SGMS2: variants seen among roughly 807,000 people sequenced by gnomAD.
SGMS2 encodes the protein sphingomyelin synthase 2.
In SGMS2, 21 loss-of-function variants were observed where a neutral mutation model predicts 43.8. That is an observed-to-expected ratio of 0.48 (90% CI 0.34 to 0.69). SGMS2 has a LOEUF of 0.69. Ranked by LOEUF, SGMS2 falls within the 30% of genes least tolerant of loss-of-function variation. The pLI, the probability that SGMS2 is intolerant of heterozygous loss-of-function variation, is 0.01. For synonymous variants in SGMS2, 167 were observed against 160.6 expected (o/e 1.04, Z -0.30); for missense variants, 384 against 443.2 (o/e 0.87, Z 1.20).
At chr4:107,894,855 A>AAG (rs3079264) in intron 2 of SGMS2, among the ~76,000 whole-genome samples, 142,032 of 152,196 alleles carry the variant, frequency 0.93, 66,586 homozygotes, top group Middle Eastern at 0.98. Flanking sequence ...TTGACAAATG[A>AAG]AGAGTAACAA....
At chr4:107,856,569 G>A (rs746784009) in intron 1 of SGMS2, among the ~76,000 whole-genome samples, 1 of 152,170 alleles carries the variant, frequency 6.6e-6, no homozygotes, top group Non-Finnish European at 1.5e-5. Flanking sequence ...TTTTATTTGC[G>A]TGGAGTGAGT....
At chr4:107,870,865 T>A (rs1311555623) in intron 2 of SGMS2, among the ~76,000 whole-genome samples, 1 of 152,176 alleles carries the variant, frequency 6.6e-6, no homozygotes, top group Non-Finnish European at 1.5e-5. Flanking sequence ...TTTAAAGTGA[T>A]TATTTATAGG....
intron 2 of SGMS2, among the ~76,000 whole-genome samples, chr4:107,881,437 G>A (rs1318506297): frequency 6.6e-6 from 1 of 151,914 alleles, no homozygotes; most frequent in Non-Finnish European, 1.5e-5. Context: ...CTTGGGCAAC[G>A]TACATCATCT....
In SGMS2 at chr4:107,839,187, C is replaced by A. The variant is rs970418786; in HGVS notation, c.-327+13934C>A. ...GGTGAAGACATCTCTGAATTTACTT[C>A]ATACAATTTACCATTTTTGAAACTT... On this transcript the variant is annotated intron_variant, in intron 1 of 6. Coordinates refer to ENST00000690982, the MANE Select transcript of SGMS2 (RefSeq NM_001375905.1). Among the ~76,000 whole-genome samples the A allele has an allele frequency of 3.9e-5, 6 of 152,172 alleles. No homozygotes were observed. The East Asian group carries it at 1.2e-3, about 29-fold the overall frequency.
Position 107,902,451 on chromosome 4 carries a change from A to G in SGMS2, c.574-782A>G, listed in dbSNP as rs147108758. ...CAATAATTCAGTATTCCAATTTTCT[A>G]TGCCTACAGTTTGGACCAACTCCTT... On this transcript the variant is annotated intron_variant, in intron 4 of 6. Transcript: ENST00000690982. 2.0e-4 allele frequency among the ~76,000 whole-genome samples: 30 copies of G among 152,052 alleles called. No homozygotes were observed. In the East Asian group the frequency reaches 5.6e-3, roughly 28 times the overall value.
intron 3 of SGMS2, among the ~76,000 whole-genome samples, chr4:107,898,403 A>C (rs1730848489): frequency 6.6e-6 from 1 of 152,154 alleles, no homozygotes; most frequent in Non-Finnish European, 1.5e-5. Flanking sequence ...TCATGTCAGA[A>C]CCACAATCTT....
chr4:107,831,084 CA>C (rs1271707131), intron 1 of SGMS2, among the ~76,000 whole-genome samples: 1 of 152,118 alleles, frequency 6.6e-6, no homozygotes, highest in African/African-American at 2.4e-5. Flanking sequence ...TGAAACAAGG[CA>C]AAAGTACCCT....
chr4:107,874,179 A>T (rs1260891205), intron 2 of SGMS2: 2 of 152,176 alleles, frequency 1.3e-5, no homozygotes, highest in Non-Finnish European at 2.9e-5. Context: ...CAGCATAATT[A>T]ATGGTGTACA....
At chr4:107,841,589 A>G (rs1726505586) in intron 1 of SGMS2, among the ~76,000 whole-genome samples, 1 of 152,166 alleles carries the variant, frequency 6.6e-6, no homozygotes, top group African/African-American at 2.4e-5. Flanking sequence ...GAAAGCTGTA[A>G]TAATAGATGC....
At position 107,908,689 on chromosome 4, in the gene SGMS2, A is replaced by G; in HGVS notation, c.852A>G (p.Thr284=). The G allele has an allele frequency of 6.2e-7, 1 of 1,614,042 alleles. No homozygotes were observed. The highest frequency in any genetic ancestry group is 8.5e-7 in the Non-Finnish European group (1 of 1,179,958). The change falls in exon 6 of 7, where the codon ACA becomes ACG. Residue 284 remains threonine (T), a synonymous_variant. Transcript: ENST00000690982. The part of the protein sequence containing the change: ...TIDVIIAYYI[T]TRLFWWYHSM... ...ATGTGATCATTGCTTATTATATCAC[A>G]ACACGACTGTTTTGGTGGTACCATT...
At chr4:107,877,163 G>A (rs1342705260) in intron 2 of SGMS2, among the ~76,000 whole-genome samples, 1 of 151,956 alleles carries the variant, frequency 6.6e-6, no homozygotes, top group African/African-American at 2.4e-5. Flanking sequence ...TAAAAAATTA[G>A]CTGGCATGGT....
At chr4:107,859,834 T>C (rs1439840045) in intron 2 of SGMS2, among the ~76,000 whole-genome samples, 1 of 152,084 alleles carries the variant, frequency 6.6e-6, no homozygotes, top group Non-Finnish European at 1.5e-5. Flanking sequence ...AAACCCTGAT[T>C]TGGAAAATAA....
At chr4:107,882,378 T>C (rs572211522) in intron 2 of SGMS2, among the ~76,000 whole-genome samples, 2 of 152,360 alleles carry the variant, frequency 1.3e-5, no homozygotes, top group African/African-American at 4.8e-5. Context: ...TAAGCACTTT[T>C]CATATAGCTG....
Position 107,883,031 on chromosome 4 carries a change from C to T in SGMS2, c.-244-12279C>T, listed in dbSNP as rs191861411. ...TCTTAATTTTAAAATTATATTTACACATTTAATATATCTTAAACACTTCAT... is the reference window on the plus strand; with the variant it reads ...TCTTAATTTTAAAATTATATTTACATATTTAATATATCTTAAACACTTCAT... On this transcript the variant is annotated intron_variant, in intron 2 of 6. Coordinates refer to ENST00000690982, the MANE Select transcript of SGMS2 (RefSeq NM_001375905.1). Among the ~76,000 whole-genome samples, 3 of 152,182 alleles carry T rather than the reference C, an allele frequency of 2.0e-5. No individual in the cohort carries two copies. In the East Asian group the frequency reaches 5.8e-4, roughly 29 times the overall value.
intron 1 of SGMS2, among the ~76,000 whole-genome samples, chr4:107,842,727 C>G (rs1334726951): frequency 1.3e-5 from 2 of 152,170 alleles, no homozygotes; most frequent in Non-Finnish European, 2.9e-5. Context: ...ATTTTAAAGG[C>G]ATTACATCCT....
intron 1 of SGMS2, among the ~76,000 whole-genome samples, chr4:107,837,423 A>C (rs1389167): frequency 0.5 from 76,646 of 151,982 alleles, 20,496 homozygotes; most frequent in African/African-American, 0.62. Context: ...GAGTGAACAG[A>C]ATGTACAACC....
At chr4:107,832,023 T>A (rs900519851) in intron 1 of SGMS2, among the ~76,000 whole-genome samples, 2 of 152,152 alleles carry the variant, frequency 1.3e-5, no homozygotes, top group Non-Finnish European at 2.9e-5. Flanking sequence ...CAAACCCTAC[T>A]GTCCTCGCCA....
chr4:107,880,232 C>T (rs1017961041), intron 2 of SGMS2, among the ~76,000 whole-genome samples: 5 of 152,184 alleles, frequency 3.3e-5, no homozygotes, highest in Middle Eastern at 3.4e-3. Flanking sequence ...ATCAAGCTTT[C>T]CCATTTCCCA....
chr4:107,898,347 T>C (rs1383878940), intron 3 of SGMS2, among the ~76,000 whole-genome samples: 2 of 152,106 alleles, frequency 1.3e-5, no homozygotes, highest in African/African-American at 2.4e-5. Context: ...TTATACATAA[T>C]TCTTGAAATT....
Sources: allele counts gnomAD v4.1 joint callset (sites outside exome capture counted in the v4.1 genomes callset), GRCh38; gene constraint gnomAD v4.1.1; transcripts MANE v1.5; gene names NCBI Gene and HGNC (gene_info 2026-07-23, HGNC 2026-07-21).